LRRC73: variants seen among roughly 807,000 people sequenced by gnomAD.
LRRC73 encodes leucine-rich repeat-containing protein 73.
A neutral mutation model predicts 26.4 loss-of-function variants in LRRC73; 16 were observed. That is an observed-to-expected ratio of 0.61 (90% CI 0.41 to 0.92). LRRC73 has a LOEUF of 0.92. Ranked by LOEUF, LRRC73 falls within the 40% of genes least tolerant of loss-of-function variation. The probability of loss-of-function intolerance (pLI) is 0.00; values close to 1 mark genes in which losing one functional copy is unlikely to be tolerated. For missense variants in LRRC73, 344 were observed against 416.3 expected (o/e 0.83, Z 1.51); for synonymous variants, 210 against 179.8 (o/e 1.17, Z -1.34).
At chr6:43,507,711 C>G in intron 4 of LRRC73, 33 bp from the exon 5 acceptor site, 3 of 1,609,304 alleles carry the variant, frequency 1.9e-6, no homozygotes, top group Non-Finnish European at 8.5e-7. Context: ...AAAGGATGAA[C>G]ACAGTTAAGG....
In LRRC73 at chr6:43,507,214, G is replaced by C. The variant is rs1314725838; in HGVS notation, c.*24C>G. The stretch of plus-strand genomic sequence containing the variant: ...TGCTCGGGACATAGATAAGTGAAAT[G>C]GTGTGCAGAGGCCCAGTGGAGAGTC... On this transcript the variant is annotated 3_prime_UTR_variant, in exon 6 of 6. Transcript: ENST00000372441. The C allele has an allele frequency of 5.0e-6, 8 of 1,612,204 alleles. No individual in the cohort carries two copies. The African/African-American group carries it at 8.0e-5, about 16-fold the overall frequency.
exon 1 of LRRC73, chr6:43,509,918 G>T (rs929971155): frequency 1.5e-6 from 1 of 666,152 alleles, no homozygotes; most frequent in South Asian, 5.9e-5. Context: ...GGTGGAGGCG[G>T]CGGCTGTGGC....
chr6:43,509,981 G>C (rs1792615180), exon 1 of LRRC73: 2 of 381,526 alleles, frequency 5.2e-6, no homozygotes, highest in South Asian at 2.2e-4. Flanking sequence ...GAGCTACCGG[G>C]ACTGAGCCGG....
At chr6:43,509,027 G>A in intron 1 of LRRC73, 107 bp from the exon 2 acceptor site, 2 of 1,154,910 alleles carry the variant, frequency 1.7e-6, no homozygotes, top group Non-Finnish European at 2.4e-6. Context: ...GGCAGTCACA[G>A]CGCTTGAGAG....
At position 43,508,279 on chromosome 6, in the gene LRRC73, G is replaced by C; in HGVS notation, c.556+19C>G. On this transcript the variant is annotated intron_variant, in intron 3 of 5. Transcript: ENST00000372441. ...GGCATGAGGCAGTGACAGCCCAAGGGGGTATTCTTGAGCCTCACCCAGGGG... is the reference window on the plus strand; with the variant it reads ...GGCATGAGGCAGTGACAGCCCAAGGCGGTATTCTTGAGCCTCACCCAGGGG... 6.2e-7 allele frequency: 1 copy of C among 1,602,682 alleles called. No individual in the cohort carries two copies. The highest frequency in any genetic ancestry group is 1.1e-5 in the South Asian group (1 of 89,336).
chr6:43,508,249 G>T, intron 3 of LRRC73, 49 bp downstream of exon 3: 1 of 1,561,990 alleles, frequency 6.4e-7, no homozygotes, highest in South Asian at 1.2e-5. Context: ...CAGGCTCTTG[G>T]ATAGGGCATG....
At chr6:43,508,040 A>G in intron 3 of LRRC73, 114 bp from the exon 4 acceptor site, 1 of 1,069,262 alleles carries the variant, frequency 9.4e-7, no homozygotes, top group East Asian at 2.6e-5. Context: ...GGAAACATGG[A>G]CAATTGGTGG....
At chr6:43,509,818 C>T (rs1226111025) in exon 1 of LRRC73, 2 of 1,472,444 alleles carry the variant, frequency 1.4e-6, no homozygotes, top group Admixed American at 2.3e-5. Flanking sequence ...GGTACGGGGC[C>T]GGAACGGAGG....
chr6:43,507,057 G>A (rs1043547922), exon 6 of LRRC73: 57 of 643,470 alleles, frequency 8.9e-5, no homozygotes, highest in Non-Finnish European at 1.3e-4. Flanking sequence ...TGCCCCCCAA[G>A]GCTGTTGCTC....
At position 43,509,855 on chromosome 6, in the gene LRRC73, G is replaced by A. The variant is rs2127681823; in HGVS notation, c.-70C>T. ...TGGTGGGGCCGCGGGCGGGGCCGGGGATAGGGCCGGGGTCGGGGCCCCGGC... is the reference window on the plus strand; with the variant it reads ...TGGTGGGGCCGCGGGCGGGGCCGGGAATAGGGCCGGGGTCGGGGCCCCGGC... On this transcript the variant is annotated 5_prime_UTR_variant, in exon 1 of 6. Transcript: ENST00000372441. 12 of 1,360,256 alleles carry A rather than the reference G, an allele frequency of 8.8e-6. No individual in the cohort carries two copies. The Admixed American group carries it at 1.5e-4, about 16-fold the overall frequency. 84.3% of individuals were successfully genotyped at this position (1,360,256 alleles called of 1,614,324 possible).
At chr6:43,507,866 A>G in exon 4 of LRRC73, 1 of 1,613,966 alleles carries the variant, frequency 6.2e-7, no homozygotes, top group Non-Finnish European at 8.5e-7. Flanking sequence ...CTCCAAGTCT[A>G]GGACCTCTAG....
Position 43,508,368 on chromosome 6 carries a change from C to T in LRRC73, c.486G>A (p.Trp162Ter). Residue 162 changes from tryptophan to a stop codon, truncating the protein, a stop_gained, in exon 3 of 6, where the codon TGG becomes TGA. Transcript: ENST00000372441. LOFTEE classifies it high-confidence loss of function. Reference sequence around the variant, plus strand: ...GGGCCACGGCAATGGCAAGGCGGCTCCAGCCCTTAGGGGTGATGCCAGGGT... The same window carrying T: ...GGGCCACGGCAATGGCAAGGCGGCTTCAGCCCTTAGGGGTGATGCCAGGGT... The T allele has an allele frequency of 6.2e-7, 1 of 1,613,724 alleles. No homozygotes were observed. The highest frequency in any genetic ancestry group is 8.5e-7 in the Non-Finnish European group (1 of 1,179,900).
intron 5 of LRRC73, 60 bp downstream of exon 5, chr6:43,507,396 A>G: frequency 1.2e-6 from 2 of 1,607,710 alleles, no homozygotes; most frequent in South Asian, 2.2e-5. Flanking sequence ...CTGCACACCC[A>G]CTCTCCCTTG....
chr6:43,507,246 C>T (rs371800481), exon 6 of LRRC73: 21 of 1,613,710 alleles, frequency 1.3e-5, no homozygotes, highest in Non-Finnish European at 1.6e-5. Context: ...AGTCACATCT[C>T]GGTCTCAGCC....
At chr6:43,507,065 C>T (rs1472688608) in exon 6 of LRRC73, 3 of 672,952 alleles carry the variant, frequency 4.5e-6, no homozygotes, top group Non-Finnish European at 5.1e-6. Context: ...AAGGCTGTTG[C>T]TCAGTCACAG....
exon 6 of LRRC73, chr6:43,507,052 C>T (rs893234009): frequency 1.7e-5 from 11 of 636,904 alleles, no homozygotes; most frequent in Admixed American, 1.4e-4. Context: ...TCAAGTGCCC[C>T]CCAAGGCTGT....
exon 1 of LRRC73, chr6:43,509,545 G>A (rs759659909): frequency 6.2e-7 from 1 of 1,609,786 alleles, no homozygotes; most frequent in Non-Finnish European, 8.5e-7. Context: ...TTGGTCCGCA[G>A]AGCCTCAGCC....
intron 2 of LRRC73, 140 bp downstream of exon 2, chr6:43,508,620 C>G: frequency 6.5e-6 from 9 of 1,394,958 alleles, no homozygotes; most frequent in Non-Finnish European, 8.8e-6. Flanking sequence ...ATGCTGCCCC[C>G]CGTCCTGCCC....
Position 43,508,996 on chromosome 6 carries a change from G to T in LRRC73, c.273-76C>A, listed in dbSNP as rs769311554. The stretch of plus-strand genomic sequence containing the variant: ...ATGGGAAAGGGGCACTTTCACTTCT[G>T]TCAGCCCTAGGTATGGGGAGGGCAG... On this transcript the variant is annotated intron_variant, in intron 1 of 5. Coordinates refer to ENST00000372441, the Ensembl canonical transcript of LRRC73. The T allele has an allele frequency of 1.1e-5, 15 of 1,414,876 alleles. No homozygotes were observed. In the South Asian group the frequency reaches 1.7e-4, roughly 16 times the overall value. 87.6% of individuals were successfully genotyped at this position (1,414,876 alleles called of 1,614,324 possible). A position where few individuals can be genotyped will look rare whatever the true frequency, so the allele number is the denominator to read the frequency against.
Sources: allele counts gnomAD v4.1 joint callset, GRCh38; gene constraint gnomAD v4.1.1; transcripts MANE v1.5; gene names NCBI Gene and HGNC (gene_info 2026-07-23, HGNC 2026-07-21).